Variants in PPEF1 observed in about 807,000 individuals in gnomAD.
PPEF1 encodes the protein protein phosphatase with EF-hand domain 1.
Under a neutral mutation model 53.3 loss-of-function variants are expected in PPEF1, and 12 were observed. The observed-to-expected ratio is 0.23, with a 90% confidence interval of 0.14 to 0.36. The LOEUF (loss-of-function observed/expected upper bound fraction) is 0.36. Among genes scored for constraint, PPEF1 ranks in the 10% least tolerant of loss-of-function variants. PPEF1 has a pLI of 1.00. For synonymous variants in PPEF1, 165 were observed against 176.7 expected, an observed-to-expected ratio of 0.93 and a Z score of 0.52; for missense variants, 334 against 490.4, an observed-to-expected ratio of 0.68 and a Z score of 3.01.
chrX:18,713,576 A>G (rs1207392608), intron 1 of PPEF1, among the ~76,000 whole-genome samples: 2 of 110,827 alleles, frequency 1.8e-5, no homozygotes, highest in Non-Finnish European at 3.8e-5. Context: ...TCATAATAAT[A>G]AATCTGCTGA....
At chrX:18,688,671 T>C (rs1229462474) in intron 3 of PPEF1, 2 of 112,507 alleles carry the variant, frequency 1.8e-5, no homozygotes, top group African/African-American at 6.5e-5. Context: ...TTTATTTACA[T>C]ATCACAACAT....
chrX:18,695,139 A>G (rs747656437), intron 4 of PPEF1, among the ~76,000 whole-genome samples: 3 of 112,093 alleles, frequency 2.7e-5, no homozygotes, highest in Non-Finnish European at 5.6e-5. Context: ...GGAGGGATCC[A>G]CTTCCAAGCC....
intron 12 of PPEF1, among the ~76,000 whole-genome samples, chrX:18,817,068 A>ATATG (rs1491253769): frequency 0.027 from 2,748 of 100,060 alleles, 51 homozygotes; most frequent in Admixed American, 0.031. Flanking sequence ...TCATTTTGCC[A>ATATG]TGTGTGTGTG....
At chrX:18,818,879 C>A (rs931511290) in intron 13 of PPEF1, among the ~76,000 whole-genome samples, 1 of 111,831 alleles carries the variant, frequency 8.9e-6, no homozygotes, top group African/African-American at 3.2e-5. Context: ...CTAGATTTTC[C>A]TGGGGCCCAA....
At chrX:18,799,232 C>CA (rs60105762) in intron 10 of PPEF1, among the ~76,000 whole-genome samples, 5,214 of 78,257 alleles carry the variant, frequency 0.067, 498 homozygotes, top group African/African-American at 0.23. Flanking sequence ...GACCCCGTCT[C>CA]AAAAAAAAAA....
At chrX:18,808,564 AAC>A (rs1398291385) in intron 12 of PPEF1, among the ~76,000 whole-genome samples, 7 of 99,596 alleles carry the variant, frequency 7.0e-5, no homozygotes, top group East Asian at 3.0e-4. Flanking sequence ...AAAAAAAAAA[AAC>A]CAAGTAATCC....
chrX:18,685,327 G>C (rs747014144), intron 2 of PPEF1, among the ~76,000 whole-genome samples: 1 of 112,217 alleles, frequency 8.9e-6, no homozygotes, highest in African/African-American at 3.2e-5. Context: ...CAATTAGTAG[G>C]TTGTTTAATT....
intron 2 of PPEF1, among the ~76,000 whole-genome samples, chrX:18,685,017 C>A (rs1602336167): frequency 1.8e-5 from 2 of 112,137 alleles, no homozygotes; most frequent in East Asian, 5.7e-4. Flanking sequence ...CTCTAGAGTC[C>A]CATTTAAAAG....
intron 4 of PPEF1, among the ~76,000 whole-genome samples, chrX:18,696,379 A>G (rs1791210423): frequency 9.4e-6 from 1 of 106,399 alleles, no homozygotes; most frequent in Admixed American, 1.0e-4. Flanking sequence ...TCTCCAGCTC[A>G]TCAGCTCAAG....
At chrX:18,782,225 G>A (rs1194120822) in intron 7 of PPEF1, 141 bp from the exon 8 acceptor site, 1 of 500,616 alleles carries the variant, frequency 2.0e-6, no homozygotes, top group Non-Finnish European at 3.4e-6. Flanking sequence ...CAAGGACTCA[G>A]GTAAGTAACA....
intron 1 of PPEF1, among the ~76,000 whole-genome samples, chrX:18,714,276 T>TG (rs1491349351): frequency 3.6e-5 from 2 of 56,150 alleles, no homozygotes; most frequent in Non-Finnish European, 8.4e-5. Context: ...TTCGTTTTTT[T>TG]GTTTTTTTTT....
chrX:18,789,874 C>G (rs1173243144), intron 10 of PPEF1, among the ~76,000 whole-genome samples: 2 of 112,145 alleles, frequency 1.8e-5, no homozygotes, highest in African/African-American at 3.2e-5. Flanking sequence ...CACTTTTTGG[C>G]TACTATGAAT....
rs187048397 is a variant in PPEF1 at position 18,754,537 on chromosome X, A to G, written c.397-3090A>G. ...AGCTAAGGCTCCTAACCACCTGCCA[A>G]CAGCAAATTTAAGTCTTCTCTGGAA... is the stretch of plus-strand genomic sequence containing the variant. On this transcript the variant is annotated intron_variant, in intron 4 of 15. Transcript: ENST00000470157. Among the ~76,000 whole-genome samples, 271 of 111,156 alleles carry G rather than the reference A, an allele frequency of 2.4e-3. 2 individuals carry two copies. The highest frequency in any genetic ancestry group is 8.2e-3 in the African/African-American group (251 of 30,687).
chrX:18,818,997 G>A (rs1402376707), intron 13 of PPEF1, among the ~76,000 whole-genome samples: 3 of 111,565 alleles, frequency 2.7e-5, no homozygotes, highest in African/African-American at 6.5e-5. Context: ...CCTCAAAGTG[G>A]CTAAAGTTGT....
chrX:18,764,684 A>G (rs779126939), intron 6 of PPEF1, among the ~76,000 whole-genome samples: 1 of 111,712 alleles, frequency 9.0e-6, no homozygotes, highest in South Asian at 3.8e-4. Flanking sequence ...GTTGACAATT[A>G]CAATGTGAGG....
intron 9 of PPEF1, among the ~76,000 whole-genome samples, chrX:18,784,613 C>T (rs2046163850): frequency 9.0e-6 from 1 of 110,811 alleles, no homozygotes; most frequent in Non-Finnish European, 1.9e-5. Flanking sequence ...CTACGAATTT[C>T]ACCACTCTAG....
intron 3 of PPEF1, among the ~76,000 whole-genome samples, chrX:18,738,268 G>A (rs1191365080): frequency 9.0e-6 from 1 of 111,143 alleles, no homozygotes; most frequent in Non-Finnish European, 1.9e-5. Flanking sequence ...GGTACCAGTT[G>A]TTCCTTTCCA....
chrX:18,761,592 G>C lies in PPEF1; in HGVS notation c.558+16G>C, dbSNP rs774695298. ...CTTCTACAAGGTAAATGATGATTTT[G>C]CTAAATATTAACATTTTTCTTGGGG... On this transcript the variant is annotated intron_variant, in intron 6 of 15. Coordinates refer to ENST00000470157, the MANE Select transcript of PPEF1 (RefSeq NM_001377996.1). The C allele has an allele frequency of 8.4e-7, 1 of 1,184,582 alleles. No individual in the cohort carries two copies. Among genetic ancestry groups the C allele is most frequent in the South Asian group, 1.8e-5 (1 of 56,316 alleles).
At chrX:18,696,707 G>A (rs555623074) in intron 4 of PPEF1, among the ~76,000 whole-genome samples, 5 of 111,672 alleles carry the variant, frequency 4.5e-5, no homozygotes, top group African/African-American at 1.6e-4. Context: ...ACTACTAGGG[G>A]TTAGGAAGTG....
Sources: allele counts gnomAD v4.1 joint callset (sites outside exome capture counted in the v4.1 genomes callset), GRCh38; gene constraint gnomAD v4.1.1; transcripts MANE v1.5; gene names NCBI Gene and HGNC (gene_info 2026-07-23, HGNC 2026-07-21).